The following EMCN variants were observed in gnomAD, a reference collection of about 807,000 sequenced individuals.
EMCN encodes the protein endomucin, also known as MUC-14.
EMCN carries 37 observed loss-of-function variants against 38.4 expected under a neutral mutation model. The ratio of observed to expected loss-of-function variants is 0.96; its 90% confidence interval spans 0.74 to 1.27. EMCN has a LOEUF of 1.27. EMCN is among the 50% of genes most tolerant of loss of function. The probability of loss-of-function intolerance (pLI) is 0.00; values close to 1 mark genes in which losing one functional copy is unlikely to be tolerated. For synonymous variants in EMCN, 95 were observed against 100.8 expected (o/e 0.94, Z 0.35); for missense variants, 318 against 302.8 (o/e 1.05, Z -0.37).
intron 5 of EMCN, among the ~76,000 whole-genome samples, chr4:100,424,932 T>A (rs988410768): frequency 6.6e-6 from 1 of 152,064 alleles, no homozygotes. Flanking sequence ...TCAGGACTGA[T>A]TGTAATGTGT....
At chr4:100,440,965 G>T (rs1405186908) in intron 5 of EMCN, among the ~76,000 whole-genome samples, 2 of 152,072 alleles carry the variant, frequency 1.3e-5, no homozygotes, top group Admixed American at 6.6e-5. Flanking sequence ...GCAGGCACCT[G>T]TAGTCCCAGC....
intron 10 of EMCN, 108 bp downstream of exon 10, chr4:100,415,790 C>A (rs989400763): frequency 1.4e-4 from 95 of 678,978 alleles, no homozygotes; most frequent in Non-Finnish European, 2.2e-4. Flanking sequence ...TTGGCTATTT[C>A]TAAAGAAGTT....
intron 5 of EMCN, among the ~76,000 whole-genome samples, chr4:100,431,265 G>T (rs1480394977): frequency 1.3e-5 from 2 of 152,140 alleles, no homozygotes; most frequent in Non-Finnish European, 2.9e-5. Flanking sequence ...TTCAAGTTAC[G>T]CTAGTTGCTG....
intron 4 of EMCN, among the ~76,000 whole-genome samples, chr4:100,450,945 CT>C (rs891095390): frequency 2.0e-5 from 3 of 151,672 alleles, no homozygotes; most frequent in Non-Finnish European, 4.4e-5. Flanking sequence ...AAATTGTTTC[CT>C]TTTCAGCTTT....
chr4:100,426,372 C>A (rs763855104), intron 5 of EMCN, among the ~76,000 whole-genome samples: 1 of 152,042 alleles, frequency 6.6e-6, no homozygotes, highest in Admixed American at 6.6e-5. Flanking sequence ...CTGGAGGATT[C>A]CCTGATGGTC....
intron 8 of EMCN, 45 bp downstream of exon 8, chr4:100,421,237 A>C: frequency 6.8e-7 from 1 of 1,478,910 alleles, no homozygotes; most frequent in Non-Finnish European, 9.4e-7. Flanking sequence ...TAAACTGAGC[A>C]TTCATTCTTC....
chr4:100,485,056 A>T (rs115282738), intron 1 of EMCN, among the ~76,000 whole-genome samples: 2,751 of 152,252 alleles, frequency 0.018, 74 homozygotes, highest in African/African-American at 0.062. Flanking sequence ...AAAGAAAATG[A>T]TTTCTTCAAA....
intron 2 of EMCN, among the ~76,000 whole-genome samples, chr4:100,475,374 G>A (rs1029537039): frequency 1.3e-5 from 2 of 150,492 alleles, no homozygotes; most frequent in East Asian, 3.9e-4. Flanking sequence ...TTCCACTGAA[G>A]ATTGTTACTT....
intron 1 of EMCN, among the ~76,000 whole-genome samples, chr4:100,517,606 A>G (rs1729792150): frequency 1.3e-5 from 2 of 152,058 alleles, no homozygotes; most frequent in Non-Finnish European, 2.9e-5. Context: ...TATTTCCAGT[A>G]CTTTGTGATT....
chr4:100,488,760 T>C (rs778367715), intron 1 of EMCN, among the ~76,000 whole-genome samples: 9 of 152,180 alleles, frequency 5.9e-5, no homozygotes, highest in Non-Finnish European at 1.2e-4. Flanking sequence ...TTATCTACTC[T>C]TATTTTTCTT....
chr4:100,408,699 C>T (rs890988854), intron 11 of EMCN, among the ~76,000 whole-genome samples: 3 of 152,146 alleles, frequency 2.0e-5, no homozygotes, highest in Non-Finnish European at 1.5e-5. Context: ...CCAGACTGTG[C>T]ACTGCAGGCC....
intron 3 of EMCN, among the ~76,000 whole-genome samples, chr4:100,466,967 CA>C (rs1381863091): frequency 1.3e-5 from 2 of 151,936 alleles, no homozygotes; most frequent in African/African-American, 4.8e-5. Context: ...CAAGCAGACT[CA>C]ACAGTCTTGG....
At chr4:100,472,446 T>A (rs1175830201) in intron 3 of EMCN, among the ~76,000 whole-genome samples, 1 of 152,052 alleles carries the variant, frequency 6.6e-6, no homozygotes, top group African/African-American at 2.4e-5. Context: ...ACTACAAACA[T>A]CATCAAAATA....
At chr4:100,480,156 T>C (rs1294309001) in intron 1 of EMCN, 117 bp from the exon 2 acceptor site, 1 of 804,710 alleles carries the variant, frequency 1.2e-6, no homozygotes, top group Admixed American at 3.6e-5. Context: ...AATTTTCCAG[T>C]TGTAATCAAT....
intron 5 of EMCN, 92 bp downstream of exon 5, chr4:100,447,441 C>T (rs909460136): frequency 1.1e-6 from 1 of 873,584 alleles, no homozygotes; most frequent in African/African-American, 1.7e-5. Context: ...TGCTATTTCT[C>T]CCTGCCCCCA....
At chr4:100,470,970 T>G (rs1485317306) in intron 3 of EMCN, among the ~76,000 whole-genome samples, 3 of 151,860 alleles carry the variant, frequency 2.0e-5, no homozygotes, top group African/African-American at 7.3e-5. Context: ...AGAAGGAAAT[T>G]TATAGGTGTT....
chr4:100,398,549 A>G (rs953160078), intron 11 of EMCN, among the ~76,000 whole-genome samples, 176 bp from the exon 12 acceptor site: 2 of 152,058 alleles, frequency 1.3e-5, no homozygotes, highest in African/African-American at 2.4e-5. Flanking sequence ...CAAACTTGAC[A>G]TATCTGAAAA....
At chr4:100,482,823 T>C (rs182527229) in intron 1 of EMCN, among the ~76,000 whole-genome samples, 1 of 152,262 alleles carries the variant, frequency 6.6e-6, no homozygotes, top group East Asian at 1.9e-4. Context: ...CCTTCATTTT[T>C]ATATTTATTA....
chr4:100,475,746 C>T (rs1296414062), intron 2 of EMCN, among the ~76,000 whole-genome samples: 3 of 136,802 alleles, frequency 2.2e-5, no homozygotes, highest in East Asian at 2.3e-4. Context: ...GGCGCGATCT[C>T]GGCTCACTGC....
Sources: allele counts gnomAD v4.1 joint callset (sites outside exome capture counted in the v4.1 genomes callset), GRCh38; gene constraint gnomAD v4.1.1; transcripts MANE v1.5; gene names NCBI Gene and HGNC (gene_info 2026-07-23, HGNC 2026-07-21).